THOC5: variants seen among roughly 807,000 people sequenced by gnomAD.
The protein encoded by THOC5 is THO complex subunit 5, also known as Fms-interacting protein.
In THOC5, 43 loss-of-function variants were observed where a neutral mutation model predicts 92.9. That is an observed-to-expected ratio of 0.46 (90% CI 0.36 to 0.60). THOC5 has a LOEUF of 0.60. Ranked by LOEUF, THOC5 falls within the 20% of genes least tolerant of loss-of-function variation. THOC5 has a pLI of 0.00. For missense variants in THOC5, 659 were observed against 849.4 expected (o/e 0.78, Z 2.79); for synonymous variants, 296 against 320.1 (o/e 0.92, Z 0.80).
chr22:29,552,004 C>T (rs1334703287), intron 1 of THOC5, among the ~76,000 whole-genome samples: 2 of 152,202 alleles, frequency 1.3e-5, no homozygotes, highest in Admixed American at 6.5e-5. Context: ...CCAGGCTGGT[C>T]TCCAGCTCCT....
intron 7 of THOC5, among the ~76,000 whole-genome samples, chr22:29,534,291 C>A (rs567005048): frequency 6.6e-5 from 10 of 151,972 alleles, no homozygotes; most frequent in Non-Finnish European, 1.2e-4. Context: ...ATAGGGACTG[C>A]GAGGGGGAAT....
In THOC5 at chr22:29,536,928, C is replaced by T. The variant is rs2063771960; in HGVS notation, c.600-190G>A. On this transcript the variant is annotated intron_variant, in intron 6 of 19. Coordinates refer to ENST00000490103, the MANE Select transcript of THOC5 (RefSeq NM_003678.5). ...AATTACATTTAATACTTATAAAGAC[C>T]CTGGAAGACAGGGACTTTGCTTATC... Among the ~76,000 whole-genome samples the T allele has an allele frequency of 2.6e-5, 4 of 152,098 alleles. No individual in the cohort carries two copies. The South Asian group carries it at 8.3e-4, about 32-fold the overall frequency.
rs1212448562 is a variant in THOC5 at position 29,527,510 on chromosome 22, G to GATAA, written c.1066+564_1066+567dup. 2.0e-5 allele frequency among the ~76,000 whole-genome samples: 3 copies of GATAA among 152,180 alleles called. No homozygotes were observed. The East Asian group carries it at 5.8e-4, about 29-fold the overall frequency. ...TGTGTAAAAAATAAAGTGGGAAGCA[G>GATAA]ATAAATATACATTTGTATAAAAGCT... On this transcript the variant is annotated intron_variant, in intron 11 of 19. Transcript: ENST00000490103.
At position 29,520,012 on chromosome 22, in the gene THOC5, G is replaced by A. The variant is rs376490705; in HGVS notation, c.1370C>T (p.Pro457Leu). The A allele has an allele frequency of 5.0e-6, 8 of 1,613,292 alleles. No individual in the cohort carries two copies. The South Asian group carries it at 6.6e-5, about 13-fold the overall frequency. Residue 457 changes from proline to leucine, a missense_variant, in exon 14 of 20, where the codon CCC becomes CTC. By Grantham distance (98) the Pro-to-Leu change is moderately conservative. Transcript: ENST00000490103. ...LGGLHFPKEQ[P>L]QQTVIADHSL... ...AGATGAGATCAGTGTACAGACCTGG[G>A]GCTGCTCTTTGGGGAAGTGGAGGCC...
At chr22:29,512,195 G>A in intron 17 of THOC5, 59 bp from the exon 18 acceptor site, 1 of 1,419,188 alleles carries the variant, frequency 7.0e-7, no homozygotes, top group South Asian at 1.2e-5. Context: ...GCCAGCCATG[G>A]CAGCCTCCCC....
chr22:29,545,103 T>A (rs2146556300), intron 2 of THOC5: 1 of 429,154 alleles, frequency 2.3e-6, no homozygotes, highest in South Asian at 1.6e-5. Context: ...TGGCGAGAGG[T>A]GAAAGGCACT....
At chr22:29,548,734 TC>T (rs1285670825) in intron 2 of THOC5, among the ~76,000 whole-genome samples, 1 of 152,034 alleles carries the variant, frequency 6.6e-6, no homozygotes, top group Admixed American at 6.6e-5. Context: ...TTCCTGAAGC[TC>T]CAGTGCCATG....
intron 11 of THOC5, among the ~76,000 whole-genome samples, chr22:29,526,400 C>T (rs1032654095): frequency 4.0e-5 from 6 of 151,780 alleles, no homozygotes; most frequent in East Asian, 1.9e-4. Context: ...GGCGTGGTGG[C>T]GGGCACCTGT....
intron 8 of THOC5, among the ~76,000 whole-genome samples, chr22:29,530,696 C>T (rs1010964349): frequency 1.4e-4 from 21 of 152,258 alleles, no homozygotes; most frequent in African/African-American, 4.8e-4. Context: ...AGCACATGAG[C>T]TAACAGCCTG....
In THOC5 at chr22:29,511,152, C is replaced by A; in HGVS notation, c.1942G>T (p.Gly648Trp). 6.2e-7 allele frequency: 1 copy of A among 1,614,220 alleles called. No individual in the cohort carries two copies. The highest frequency in any genetic ancestry group is 8.5e-7 in the Non-Finnish European group (1 of 1,180,034). The change falls in exon 19 of 20, where the codon GGG becomes TGG. Residue 648 changes from glycine (G) to tryptophan (W), a missense_variant. Coordinates refer to ENST00000490103, the MANE Select transcript of THOC5 (RefSeq NM_003678.5). ...TTCTCCTGGGGAAATTCCTTGGGCC[C>A]CTCCACACTGTCGTCATGGCTCTCG... ...ETESHDDSVE[G>W]PKEFPQEKMC...
chr22:29,542,046 T>C (rs1352620365), intron 5 of THOC5, among the ~76,000 whole-genome samples: 1 of 151,730 alleles, frequency 6.6e-6, no homozygotes, highest in Non-Finnish European at 1.5e-5. Flanking sequence ...TCCCGTTTAC[T>C]CCTTCCTCCT....
intron 5 of THOC5, among the ~76,000 whole-genome samples, chr22:29,540,564 G>A (rs1384141959): frequency 1.3e-5 from 2 of 152,154 alleles, no homozygotes; most frequent in Admixed American, 6.5e-5. Context: ...CTCCTTCCAT[G>A]TGGCCGTCTG....
intron 17 of THOC5, among the ~76,000 whole-genome samples, chr22:29,514,195 C>T (rs186883615): frequency 1.0e-3 from 156 of 152,302 alleles, no homozygotes; most frequent in Middle Eastern, 3.4e-3. Flanking sequence ...GTGATCCACC[C>T]GCCTCCACCT....
At chr22:29,523,532 C>T (rs1169749339) in intron 12 of THOC5, among the ~76,000 whole-genome samples, 3 of 152,158 alleles carry the variant, frequency 2.0e-5, no homozygotes, top group Non-Finnish European at 2.9e-5. Flanking sequence ...AAGACGAACA[C>T]GTTTAACGAT....
chr22:29,532,668 A>C (rs955969057), intron 7 of THOC5, among the ~76,000 whole-genome samples: 2 of 151,016 alleles, frequency 1.3e-5, no homozygotes, highest in African/African-American at 2.4e-5. Context: ...TCTGTCTCAA[A>C]AAACAAACAA....
At chr22:29,530,453 G>C in intron 8 of THOC5, among the ~76,000 whole-genome samples, 1 of 151,902 alleles carries the variant, frequency 6.6e-6, no homozygotes, top group East Asian at 1.9e-4. Context: ...CTGGGAAGCA[G>C]AGGTTGCAGT....
intron 18 of THOC5, chr22:29,511,575 G>T: frequency 2.1e-6 from 1 of 479,438 alleles, no homozygotes; most frequent in Non-Finnish European, 3.7e-6. Context: ...TAAGACCTAA[G>T]TCAGAAGATG....
intron 19 of THOC5, 25 bp downstream of exon 19, chr22:29,511,078 GTCA>G (rs770215589): frequency 6.2e-7 from 1 of 1,601,470 alleles, no homozygotes; most frequent in African/African-American, 1.3e-5. Flanking sequence ...ACCATGAGAA[GTCA>G]CCAGAGCCCC....
chr22:29,539,213 TG>T, intron 6 of THOC5, 116 bp downstream of exon 6: 1 of 1,064,724 alleles, frequency 9.4e-7, no homozygotes. Context: ...AATCATAAAA[TG>T]GGATTTGGTC....
Sources: allele counts gnomAD v4.1 joint callset (sites outside exome capture counted in the v4.1 genomes callset), GRCh38; gene constraint gnomAD v4.1.1; transcripts MANE v1.5; gene names NCBI Gene and HGNC (gene_info 2026-07-23, HGNC 2026-07-21).